The following TNC variants were observed in gnomAD, a reference collection of about 807,000 sequenced individuals.
TNC encodes the protein tenascin C.
Under a neutral mutation model 202.4 loss-of-function variants are expected in TNC, and 109 were observed. That is an observed-to-expected ratio of 0.54 (90% CI 0.46 to 0.63). The LOEUF is 0.63. TNC is among the 30% of genes least tolerant of loss of function. TNC has a pLI of 0.00. For synonymous variants in TNC, 1,007 were observed against 1,089.7 expected (o/e 0.92, Z 1.50); for missense variants, 2,756 against 2,833.3 (o/e 0.97, Z 0.62).
Position 115,071,604 on chromosome 9 carries a change from C to T in TNC, c.3214+1999G>A, listed in dbSNP as rs552701821. Among the ~76,000 whole-genome samples, 11 of 152,184 alleles carry T rather than the reference C, an allele frequency of 7.2e-5. No homozygotes were observed. The East Asian group carries it at 2.1e-3, about 29-fold the overall frequency. On this transcript the variant is annotated intron_variant, in intron 10 of 27. Transcript: ENST00000350763. The stretch of plus-strand genomic sequence containing the variant: ...TCACTGGAGGAAGGAGGCAATGTGG[C>T]CATCACCAGAAGGTGGAATGATTGA...
Position 115,100,734 on chromosome 9 carries a change from A to T in TNC, c.-136-9580T>A, listed in dbSNP as rs181106994. Among the ~76,000 whole-genome samples the T allele has an allele frequency of 6.2e-4, 94 of 152,348 alleles. 1 individual carries two copies. In the East Asian group the frequency reaches 0.017, roughly 28 times the overall value. ...ATAGTAGTAGACCTTAAGTGTCTTTATCATTGACACACAGAGGTAACTATG... is the reference window on the plus strand; with the variant it reads ...ATAGTAGTAGACCTTAAGTGTCTTTTTCATTGACACACAGAGGTAACTATG... On this transcript the variant is annotated intron_variant, in intron 1 of 27. Coordinates refer to ENST00000350763, the MANE Select transcript of TNC (RefSeq NM_002160.4).
At chr9:115,114,831 T>A (rs1327393897) in intron 1 of TNC, among the ~76,000 whole-genome samples, 1 of 152,202 alleles carries the variant, frequency 6.6e-6, no homozygotes, top group African/African-American at 2.4e-5. Flanking sequence ...GAGTGTCGAT[T>A]TCTTTAAAAT....
chr9:115,096,114 T>G (rs1835769381), intron 1 of TNC, among the ~76,000 whole-genome samples: 1 of 152,238 alleles, frequency 6.6e-6, no homozygotes, highest in Non-Finnish European at 1.5e-5. Context: ...CAAATACCTG[T>G]GACTTATGAA....
Position 115,030,279 on chromosome 9 carries a change from A to G in TNC, c.6047T>C (p.Met2016Thr). The change falls in exon 24 of 28, where the codon ATG becomes ACG. Residue 2016 changes from methionine to threonine, a missense_variant. Transcript: ENST00000350763. ...KAEALEVFCDMTSDGGGWIVF... is the reference protein window; with the variant it reads ...KAEALEVFCDTTSDGGGWIVF... ...AATCCATCCACCCCCATCAGAGGTC[A>G]TGTCACAGAAGACTTCCAGCGCCTC... The G allele has an allele frequency of 1.2e-6, 2 of 1,612,862 alleles. No individual in the cohort carries two copies. The highest frequency in any genetic ancestry group is 1.7e-6 in the Non-Finnish European group (2 of 1,178,996).
intron 3 of TNC, among the ~76,000 whole-genome samples, chr9:115,085,054 A>G (rs12339088): frequency 8.3e-4 from 126 of 152,290 alleles, no homozygotes; most frequent in African/African-American, 3.0e-3. Context: ...TAAAGGAAAA[A>G]ATTCTCCATT....
chr9:115,035,892 C>G (rs528615287), intron 21 of TNC: 2 of 572,584 alleles, frequency 3.5e-6, no homozygotes, highest in East Asian at 5.7e-5. Flanking sequence ...CGTGGGGAGA[C>G]CAAGGTCATT....
Position 115,059,729 on chromosome 9 carries a change from C to G in TNC, c.4306+1G>C, listed in dbSNP as rs112716640. On this transcript the variant is annotated splice_donor_variant, in intron 14 of 27. Coordinates refer to ENST00000350763, the MANE Select transcript of TNC (RefSeq NM_002160.4). LOFTEE classifies it high-confidence loss of function. Reference sequence around the variant, plus strand: ...AAAGCATTGACAGGGAGAGGAAGTACCTGTGGAGGCCTCAGCAGAGAGTAC... The same window carrying G: ...AAAGCATTGACAGGGAGAGGAAGTAGCTGTGGAGGCCTCAGCAGAGAGTAC... 6.3e-7 allele frequency: 1 copy of G among 1,583,024 alleles called. No homozygotes were observed. The highest frequency in any genetic ancestry group is 8.6e-7 in the Non-Finnish European group (1 of 1,162,842).
rs371529724 is a variant in TNC, at chr9:115,048,284, G to A, written c.4828C>T (p.Pro1610Ser). 37 of 1,613,876 alleles carry A rather than the reference G, an allele frequency of 2.3e-5. No homozygotes were observed. In the African/African-American group the frequency reaches 2.9e-4, roughly 13 times the overall value. ...SGFTQGHQTK[P>S]LRAEIVTEAE... ...CCTGTAACAATCTCAGCCCTCAAGGGCTTGGTTTGATGCCCTTGGGTGAAG... is the reference window on the plus strand; with the variant it reads ...CCTGTAACAATCTCAGCCCTCAAGGACTTGGTTTGATGCCCTTGGGTGAAG... The change falls in exon 16 of 28, where the codon CCC (proline) becomes TCC (serine). Residue 1610 changes from proline (P) to serine (S), a missense_variant. By Grantham distance (74) the Pro-to-Ser change is moderately conservative. Transcript: ENST00000350763.
chr9:115,097,125 GA>G (rs1835856391), intron 1 of TNC, among the ~76,000 whole-genome samples: 1 of 152,174 alleles, frequency 6.6e-6, no homozygotes, highest in African/African-American at 2.4e-5. Context: ...GCGTGTGGGG[GA>G]AAGAGTCTGG....
intron 5 of TNC, among the ~76,000 whole-genome samples, chr9:115,082,281 G>T (rs1834362702): frequency 2.0e-5 from 3 of 152,204 alleles, no homozygotes; most frequent in South Asian, 2.1e-4. Context: ...CTGGTTGGTG[G>T]CAGAGCCTGG....
chr9:115,085,803 C>T, intron 3 of TNC, 61 bp downstream of exon 3: 17 of 1,464,386 alleles, frequency 1.2e-5, no homozygotes, highest in Non-Finnish European at 1.6e-5. Context: ...AGTTTTCCAA[C>T]CCATACTAGG....
intron 1 of TNC, among the ~76,000 whole-genome samples, chr9:115,095,502 GTATATA>G (rs765328159): frequency 3.3e-5 from 1 of 30,758 alleles, no homozygotes; most frequent in Non-Finnish European, 5.5e-5. Context: ...GTATATATAT[GTATATA>G]TATATGTATA....
At chr9:115,029,246 G>T in intron 25 of TNC, 114 bp downstream of exon 25, 2 of 835,032 alleles carry the variant, frequency 2.4e-6, no homozygotes, top group Non-Finnish European at 4.0e-6. Flanking sequence ...TCTGCCACCA[G>T]AAGTAGTTCT....
Position 115,084,214 on chromosome 9 carries a change from G to A in TNC, c.2126C>T (p.Ala709Val), listed in dbSNP as rs770840710. Residue 709 changes from alanine (A) to valine (V), a missense_variant, in exon 4 of 28, where the codon GCC becomes GTC. Ala to Val is a moderately conservative substitution (Grantham distance 64, BLOSUM62 0). Around this residue, in one of 2 missense-constraint regions of TNC, gnomAD observed 2,559 missense variants for 2,546.0 expected, o/e 1.01. Transcript: ENST00000350763. ...AAAGAGTTCTGCTCACTCACACGTG[G>A]CCACCCTGGCGCTGACAGGAATGCT... Reference protein sequence around the residue: ...KKSIPVSARVATYLPAPEGLK... With the variant: ...KKSIPVSARVVTYLPAPEGLK... 1 of 1,613,738 alleles carries A rather than the reference G, an allele frequency of 6.2e-7. No individual in the cohort carries two copies. The highest frequency in any genetic ancestry group is 1.1e-5 in the South Asian group (1 of 91,034).
intron 2 of TNC, among the ~76,000 whole-genome samples, 194 bp downstream of exon 2, chr9:115,090,368 C>T (rs909567020): frequency 2.0e-5 from 3 of 152,130 alleles, no homozygotes; most frequent in African/African-American, 4.8e-5. Flanking sequence ...GCAGTTGTCG[C>T]CGTGACTCCT....
chr9:115,104,706 G>A (rs2134131844), intron 1 of TNC, among the ~76,000 whole-genome samples: 1 of 152,198 alleles, frequency 6.6e-6, no homozygotes, highest in African/African-American at 2.4e-5. Context: ...TCCTTTTCCT[G>A]TCTCCCTTTA....
Position 115,031,663 on chromosome 9 carries a change from G to A in TNC, c.5810C>T (p.Thr1937Ile), listed in dbSNP as rs113316909. The change falls in exon 23 of 28, where the codon ACC (threonine) becomes ATC (isoleucine). Residue 1937 changes from threonine (T) to isoleucine (I), a missense_variant. This residue lies in a region of TNC where 2,559 missense variants were observed against 2,546.0 expected (regional missense o/e 1.01). Coordinates refer to ENST00000350763, the MANE Select transcript of TNC (RefSeq NM_002160.4). ...TVKEVIVGPDTTSYSLADLSP... is the reference protein window; with the variant it reads ...TVKEVIVGPDITSYSLADLSP... ...CAGGTCTGCCAGGCTGTAGGAGGTG[G>A]TATCTGGACCCACAATGACTTCCTA... 3.9e-4 allele frequency: 635 copies of A among 1,610,412 alleles called. 2 individuals carry two copies. The highest frequency in any genetic ancestry group is 9.6e-4 in the South Asian group (87 of 90,500).
intron 1 of TNC, among the ~76,000 whole-genome samples, chr9:115,108,555 C>T (rs1408078045): frequency 6.6e-6 from 1 of 152,202 alleles, no homozygotes; most frequent in East Asian, 1.9e-4. Flanking sequence ...ATTGTTTATG[C>T]CCTTACCTTG....
intron 1 of TNC, chr9:115,115,089 C>G (rs1047554132): frequency 6.6e-6 from 1 of 152,162 alleles, no homozygotes; most frequent in Non-Finnish European, 1.5e-5. Context: ...GAAAGCACAG[C>G]TAGGTGTCTA....
Sources: gnomAD v4.1 joint callset for allele counts (sites outside exome capture counted in the v4.1 genomes callset) on GRCh38, gnomAD v4.1.1 for gene constraint, gnomAD v4.1.1 regional missense constraint, MANE v1.5 for transcripts, NCBI Gene and HGNC (gene_info 2026-07-23, HGNC 2026-07-21) for gene names.